Variants in UNC13C observed in about 807,000 individuals in gnomAD.
The protein encoded by UNC13C is protein unc-13 homolog C.
UNC13C carries 174 observed loss-of-function variants against 245.4 expected under a neutral mutation model. The observed-to-expected ratio is 0.71, with a 90% confidence interval of 0.63 to 0.80. UNC13C has a LOEUF of 0.80. Ranked by LOEUF, UNC13C falls within the 30% of genes least tolerant of loss-of-function variation. The probability of loss-of-function intolerance (pLI) is 0.00; values close to 1 mark genes in which losing one functional copy is unlikely to be tolerated. For synonymous variants in UNC13C, 992 were observed against 895.1 expected, an observed-to-expected ratio of 1.11 and a Z score of -1.93; for missense variants, 2,829 against 2,602.9, an observed-to-expected ratio of 1.09 and a Z score of -1.89.
At chr15:53,905,724 C>T in the UNC13C span, among the ~76,000 whole-genome samples, 1 of 151,990 alleles carries the variant, frequency 6.6e-6, no homozygotes, top group Non-Finnish European at 1.5e-5. Context: ...CTATAGCTTA[C>T]TGCATTCTAC....
the UNC13C span, among the ~76,000 whole-genome samples, chr15:53,950,468 C>T: frequency 0.012 from 1,854 of 149,960 alleles, 35 homozygotes; most frequent in African/African-American, 0.043. Flanking sequence ...TATTTAGTAG[C>T]TAATGTGATG....
At chr15:54,160,030 T>A (rs961193825) in intron 4 of UNC13C, among the ~76,000 whole-genome samples, 2 of 152,088 alleles carry the variant, frequency 1.3e-5, no homozygotes, top group Admixed American at 6.6e-5. Flanking sequence ...AAATTAAACC[T>A]TTGTTGTGTG....
the UNC13C span, among the ~76,000 whole-genome samples, chr15:53,840,585 C>A: frequency 6.6e-6 from 1 of 152,104 alleles, no homozygotes; most frequent in Non-Finnish European, 1.5e-5. Flanking sequence ...GGGTTCAAGA[C>A]CATAGTAAGC....
intron 30 of UNC13C, among the ~76,000 whole-genome samples, chr15:54,588,434 G>T (rs1402942388): frequency 6.6e-6 from 1 of 152,154 alleles, no homozygotes; most frequent in East Asian, 1.9e-4. Flanking sequence ...TTGGTGAGAA[G>T]ATTAAATAAA....
At chr15:54,213,245 T>C (rs1051883568) in intron 4 of UNC13C, among the ~76,000 whole-genome samples, 2 of 152,020 alleles carry the variant, frequency 1.3e-5, no homozygotes, top group Non-Finnish European at 1.5e-5. Context: ...TTTGCCACTT[T>C]AAAACTTTTA....
intron 2 of UNC13C, among the ~76,000 whole-genome samples, chr15:54,122,584 A>G (rs539303078): frequency 6.6e-6 from 1 of 152,116 alleles, no homozygotes; most frequent in South Asian, 2.1e-4. Context: ...CAATCAAGAT[A>G]GAAAAAAAAA....
intron 19 of UNC13C, among the ~76,000 whole-genome samples, chr15:54,457,215 C>T (rs1327111299): frequency 6.6e-6 from 1 of 152,098 alleles, no homozygotes; most frequent in Non-Finnish European, 1.5e-5. Context: ...ACCCTCCATC[C>T]TTGGTATGAA....
chr15:54,630,420 C>T (rs776132497), downstream of UNC13C: 2 of 152,134 alleles, frequency 1.3e-5, no homozygotes, highest in Non-Finnish European at 2.9e-5. Context: ...AAGATTTTCT[C>T]CTTTTAATTT....
At chr15:54,121,428 C>T (rs1034285713) in intron 2 of UNC13C, among the ~76,000 whole-genome samples, 1 of 152,096 alleles carries the variant, frequency 6.6e-6, no homozygotes, top group African/African-American at 2.4e-5. Flanking sequence ...GTGTGACTCA[C>T]TTCATTCCAA....
intron 4 of UNC13C, among the ~76,000 whole-genome samples, chr15:54,179,481 T>C (rs2033725656): frequency 6.6e-6 from 1 of 151,984 alleles, no homozygotes; most frequent in Non-Finnish European, 1.5e-5. Flanking sequence ...CAAAATACAA[T>C]ATATACTATT....
At chr15:54,422,817 G>A (rs2040676603) in intron 19 of UNC13C, among the ~76,000 whole-genome samples, 1 of 151,612 alleles carries the variant, frequency 6.6e-6, no homozygotes, top group Admixed American at 6.6e-5. Context: ...TATTATATCT[G>A]AATCATATTA....
At chr15:54,389,558 AAGTT>A (rs201510571) in intron 17 of UNC13C, among the ~76,000 whole-genome samples, 2,285 of 152,316 alleles carry the variant, frequency 0.015, 20 homozygotes, top group Non-Finnish European at 0.024. Context: ...AAAAATTTTG[AAGTT>A]AGTTGAGCCC....
intron 17 of UNC13C, among the ~76,000 whole-genome samples, chr15:54,385,909 G>A (rs921289846): frequency 3.3e-5 from 5 of 152,116 alleles, no homozygotes; most frequent in Non-Finnish European, 5.9e-5. Context: ...TTAACTTACA[G>A]CTAGACCTTG....
At chr15:54,365,166 G>C (rs78443182) in intron 17 of UNC13C, among the ~76,000 whole-genome samples, 5 of 151,726 alleles carry the variant, frequency 3.3e-5, no homozygotes, top group Non-Finnish European at 7.4e-5. Flanking sequence ...ATTTTCCTGC[G>C]TCCTTTCTGT....
chr15:53,985,339 T>C (rs1047977019), intron 1 of UNC13C, among the ~76,000 whole-genome samples: 2 of 151,940 alleles, frequency 1.3e-5, no homozygotes, highest in South Asian at 4.1e-4. Flanking sequence ...TCTTTTTTTT[T>C]TTCTTGGTTC....
At chr15:54,407,923 G>A (rs992465933) in intron 18 of UNC13C, among the ~76,000 whole-genome samples, 23 of 151,854 alleles carry the variant, frequency 1.5e-4, no homozygotes, top group South Asian at 4.1e-4. Context: ...AAGAATGGGC[G>A]GGGTGCGGTG....
At chr15:54,341,908 G>A (rs1046907297) in intron 17 of UNC13C, among the ~76,000 whole-genome samples, 3 of 151,698 alleles carry the variant, frequency 2.0e-5, no homozygotes, top group East Asian at 3.9e-4. Flanking sequence ...CCCGGGAGGC[G>A]GAGCTTGCAG....
At chr15:54,103,117 A>C (rs1160326745) in intron 2 of UNC13C, among the ~76,000 whole-genome samples, 1 of 152,228 alleles carries the variant, frequency 6.6e-6, no homozygotes, top group Non-Finnish European at 1.5e-5. Flanking sequence ...TATTTTTCTC[A>C]GAAGTATTTG....
chr15:54,581,594 T>C (rs1007081692), intron 30 of UNC13C, among the ~76,000 whole-genome samples: 2 of 152,326 alleles, frequency 1.3e-5, no homozygotes, highest in Non-Finnish European at 1.5e-5. Flanking sequence ...GGCCCCACCC[T>C]ATTACCTCAT....
Sources: allele counts gnomAD v4.1 joint callset (sites outside exome capture counted in the v4.1 genomes callset), GRCh38; gene constraint gnomAD v4.1.1; transcripts MANE v1.5; gene names NCBI Gene and HGNC (gene_info 2026-07-23, HGNC 2026-07-21).